The following MACROD2 variants were observed in gnomAD, a reference collection of about 807,000 sequenced individuals.
The protein encoded by MACROD2 is mono-ADP ribosylhydrolase 2, also known as ADP-ribose glycohydrolase MACROD2.
In MACROD2, 36 loss-of-function variants were observed where a neutral mutation model predicts 70.4. The ratio of observed to expected loss-of-function variants is 0.51; its 90% CI spans 0.39 to 0.68. The LOEUF (loss-of-function observed/expected upper bound fraction) is 0.68. MACROD2 is among the 30% of genes least tolerant of loss of function. MACROD2 has a pLI of 0.00. For missense variants in MACROD2, 496 were observed against 538.4 expected, an observed-to-expected ratio of 0.92 and a Z score of 0.78; for synonymous variants, 172 against 178.8, an observed-to-expected ratio of 0.96 and a Z score of 0.30.
At chr20:15,980,068 C>T (rs1055299954) in intron 13 of MACROD2, among the ~76,000 whole-genome samples, 2 of 152,284 alleles carry the variant, frequency 1.3e-5, no homozygotes, top group Admixed American at 6.5e-5. Flanking sequence ...GCAGGGGGTA[C>T]GTGGCAGGGG....
At chr20:14,798,823 A>T (rs1170838108) in intron 5 of MACROD2, among the ~76,000 whole-genome samples, 1 of 152,034 alleles carries the variant, frequency 6.6e-6, no homozygotes, top group African/African-American at 2.4e-5. Context: ...AAGTATGCTG[A>T]GATTTTCCTC....
chr20:14,011,916 CT>C (rs894015791), intron 2 of MACROD2, among the ~76,000 whole-genome samples: 2 of 149,570 alleles, frequency 1.3e-5, no homozygotes, highest in African/African-American at 4.9e-5. Flanking sequence ...TGCGACTTTT[CT>C]TTTTTTTTAA....
chr20:15,746,577 A>AAG (rs2051187115), intron 8 of MACROD2, among the ~76,000 whole-genome samples: 1 of 151,486 alleles, frequency 6.6e-6, no homozygotes, highest in African/African-American at 2.4e-5. Context: ...AAAAAAAAAA[A>AAG]AAAAAGAAAC....
chr20:15,794,922 G>T (rs1455840259), intron 8 of MACROD2, among the ~76,000 whole-genome samples: 1 of 152,102 alleles, frequency 6.6e-6, no homozygotes, highest in Admixed American at 6.6e-5. Context: ...CCCGTGGCTA[G>T]TTCCTATGAA....
At position 15,497,870 on chromosome 20, in the gene MACROD2, C is replaced by G. The variant is rs138148332; in HGVS notation, c.572-1904C>G. Among the ~76,000 whole-genome samples, 135 of 152,278 alleles carry G rather than the reference C, an allele frequency of 8.9e-4. 2 individuals are homozygous for G. In the East Asian group the frequency reaches 0.024, roughly 27 times the overall value. The stretch of plus-strand genomic sequence containing the variant: ...TTGCCTCTTTACTTGTCTATTTCCT[C>G]CCCTAGACTTTGGGCTTTTAGAGGA... On this transcript the variant is annotated intron_variant, in intron 7 of 17. Transcript: ENST00000684519.
chr20:15,853,314 C>T (rs893782033), intron 8 of MACROD2, among the ~76,000 whole-genome samples: 14 of 152,270 alleles, frequency 9.2e-5, no homozygotes, highest in South Asian at 2.1e-4. Context: ...TTATAATCAA[C>T]GGTGGCAGGC....
At position 15,025,127 on chromosome 20, in the gene MACROD2, AT is replaced by A. The variant is rs1028174857; in HGVS notation, c.419-204807del. On this transcript the variant is annotated intron_variant, in intron 5 of 17. Transcript: ENST00000684519. The stretch of plus-strand genomic sequence containing the variant: ...AGAAAAATATAACTACATGAAGACT[AT>A]TTTTTCACAGTGGGGGTATTATTTT... 1.9e-3 allele frequency among the ~76,000 whole-genome samples: 291 copies of A among 152,120 alleles called. 1 individual carries two copies. The highest frequency in any genetic ancestry group is 6.8e-3 in the African/African-American group (284 of 41,494).
chr20:15,816,476 CA>C (rs151296583), intron 8 of MACROD2, among the ~76,000 whole-genome samples: 21 of 146,830 alleles, frequency 1.4e-4, no homozygotes, highest in Admixed American at 3.4e-4. Context: ...TGATTTTAAC[CA>C]AAAAAAAAAT....
intron 8 of MACROD2, among the ~76,000 whole-genome samples, chr20:15,538,726 T>A (rs887330803): frequency 6.6e-6 from 1 of 152,126 alleles, no homozygotes; most frequent in Non-Finnish European, 1.5e-5. Flanking sequence ...TGAATGAGAG[T>A]AAGCAAAAAC....
At chr20:14,045,866 GAT>G (rs1409355924) in intron 2 of MACROD2, among the ~76,000 whole-genome samples, 1 of 152,176 alleles carries the variant, frequency 6.6e-6, no homozygotes, top group African/African-American at 2.4e-5. Flanking sequence ...AGAAATTAAA[GAT>G]ATAATAATGA....
chr20:14,732,503 G>A (rs547476693), intron 5 of MACROD2, among the ~76,000 whole-genome samples: 44 of 152,228 alleles, frequency 2.9e-4, no homozygotes, highest in African/African-American at 9.4e-4. Context: ...CCCTAAGGCC[G>A]TGTAAGTCAT....
intron 7 of MACROD2, among the ~76,000 whole-genome samples, chr20:15,432,738 T>A (rs1032879139): frequency 6.6e-6 from 1 of 152,036 alleles, no homozygotes; most frequent in Non-Finnish European, 1.5e-5. Context: ...AAAAACCTAA[T>A]GCCTACACCA....
At chr20:15,486,258 T>G (rs577270608) in intron 7 of MACROD2, among the ~76,000 whole-genome samples, 154 of 152,252 alleles carry the variant, frequency 1.0e-3, no homozygotes, top group African/African-American at 3.5e-3. Flanking sequence ...CACCTATACT[T>G]CCAGTCATCA....
chr20:15,069,579 A>T (rs1014836009), intron 5 of MACROD2, among the ~76,000 whole-genome samples: 3 of 152,228 alleles, frequency 2.0e-5, no homozygotes, highest in African/African-American at 7.2e-5. Flanking sequence ...TTGCAGCCTC[A>T]GGACACTGCT....
At chr20:15,838,147 C>A (rs916549127) in intron 8 of MACROD2, among the ~76,000 whole-genome samples, 8 of 150,534 alleles carry the variant, frequency 5.3e-5, no homozygotes, top group African/African-American at 2.0e-4. Flanking sequence ...GAATATCAAG[C>A]TTTTTTTTTA....
chr20:14,941,325 C>G (rs1208747240), intron 5 of MACROD2, among the ~76,000 whole-genome samples: 3 of 152,050 alleles, frequency 2.0e-5, no homozygotes, highest in Admixed American at 6.6e-5. Context: ...TGCCTCACCT[C>G]TTTTTCTCTG....
intron 7 of MACROD2, among the ~76,000 whole-genome samples, chr20:15,471,227 T>C (rs1326211552): frequency 2.0e-5 from 3 of 152,212 alleles, no homozygotes; most frequent in African/African-American, 2.4e-5. Flanking sequence ...CTTCCACACT[T>C]GAACTTCTGT....
At chr20:15,951,535 A>G (rs140720272) in intron 12 of MACROD2, among the ~76,000 whole-genome samples, 81 of 152,272 alleles carry the variant, frequency 5.3e-4, no homozygotes, top group African/African-American at 1.8e-3. Context: ...TCATTTTGAA[A>G]TTAGCCCTGT....
chr20:15,949,814 A>T (rs1167046346), intron 12 of MACROD2, among the ~76,000 whole-genome samples: 1 of 152,114 alleles, frequency 6.6e-6, no homozygotes, highest in African/African-American at 2.4e-5. Context: ...AGTGATTCGC[A>T]CTCTACTCTA....
Sources: gnomAD v4.1 joint callset for allele counts (sites outside exome capture counted in the v4.1 genomes callset) on GRCh38, gnomAD v4.1.1 for gene constraint, MANE v1.5 for transcripts, NCBI Gene and HGNC (gene_info 2026-07-23, HGNC 2026-07-21) for gene names.